Variants in SORCS3 observed in about 807,000 individuals in gnomAD.
SORCS3 encodes sortilin related VPS10 domain containing receptor 3, also known as VPS10 domain-containing receptor SorCS3.
In SORCS3, 57 loss-of-function variants were observed where a neutral mutation model predicts 146.3. That is an observed-to-expected ratio of 0.39 (90% CI 0.31 to 0.49). SORCS3 has a LOEUF of 0.49. Ranked by LOEUF, SORCS3 falls within the 20% of genes least tolerant of loss-of-function variation. The pLI, the probability that SORCS3 is intolerant of heterozygous loss-of-function variation, is 0.92. For synonymous variants in SORCS3, 653 were observed against 618.5 expected (o/e 1.06, Z -0.83); for missense variants, 1,341 against 1,575.5 (o/e 0.85, Z 2.52).
At chr10:105,200,927 A>G (rs1186035462) in intron 15 of SORCS3, among the ~76,000 whole-genome samples, 193 bp from the exon 16 acceptor site, 2 of 152,156 alleles carry the variant, frequency 1.3e-5, no homozygotes, top group African/African-American at 4.8e-5. Flanking sequence ...CCCACCTTCC[A>G]TAATGTTCCT....
At chr10:104,903,020 T>C (rs922852628) in intron 2 of SORCS3, among the ~76,000 whole-genome samples, 1 of 152,248 alleles carries the variant, frequency 6.6e-6, no homozygotes, top group Non-Finnish European at 1.5e-5. Flanking sequence ...GTGAAGCAGA[T>C]GCTCAATTAC....
intron 2 of SORCS3, among the ~76,000 whole-genome samples, chr10:104,876,038 T>C (rs1961640): frequency 0.35 from 53,847 of 151,974 alleles, 11,434 homozygotes; most frequent in East Asian, 0.72. Context: ...TATTACTCCA[T>C]ACTTCAAGGT....
At chr10:104,888,005 A>G (rs535938085) in intron 2 of SORCS3, among the ~76,000 whole-genome samples, 3 of 147,142 alleles carry the variant, frequency 2.0e-5, no homozygotes, top group South Asian at 2.1e-4. Flanking sequence ...CATGAGACCA[A>G]TGAGAGTGCT....
chr10:105,214,496 C>A lies in SORCS3; in HGVS notation c.2430C>A (p.Thr810=), dbSNP rs752984608. 3 of 1,614,172 alleles carry A rather than the reference C, an allele frequency of 1.9e-6. No homozygotes were observed. In the East Asian group the frequency reaches 6.7e-5, roughly 36 times the overall value. Residue 810 remains threonine (T), a synonymous_variant, in exon 18 of 27, where the codon ACC becomes ACA. Transcript: ENST00000369701. ...NCTDGLREKY[T]AKAQMCPGKA... Reference sequence around the variant, plus strand: ...CAGATGGGCTAAGGGAGAAGTACACCGCCAAGGCCCAGATGTGCCCTGGAA... The same window carrying A: ...CAGATGGGCTAAGGGAGAAGTACACAGCCAAGGCCCAGATGTGCCCTGGAA...
Position 105,177,970 on chromosome 10 carries a change from A to G in SORCS3, c.1902-96A>G, listed in dbSNP as rs1358871493. The G allele has an allele frequency of 3.5e-6, 3 of 849,756 alleles. No individual in the cohort carries two copies. The African/African-American group carries it at 5.1e-5, about 14-fold the overall frequency. The allele number at this position is 849,756 out of a possible 1,614,324, so 52.6% of individuals were successfully genotyped here. ...TTGATAATCCACACTGCCAGAAAGC[A>G]AGATACAGAGGAAAATTTAATAACC... On this transcript the variant is annotated intron_variant, in intron 13 of 26. Transcript: ENST00000369701.
At chr10:104,801,100 G>A (rs2017618826) in intron 1 of SORCS3, among the ~76,000 whole-genome samples, 1 of 152,156 alleles carries the variant, frequency 6.6e-6, no homozygotes. Context: ...TAAATGGTAA[G>A]GGGCACAGTC....
At chr10:105,169,374 A>G (rs995157734) in intron 13 of SORCS3, among the ~76,000 whole-genome samples, 2 of 152,024 alleles carry the variant, frequency 1.3e-5, no homozygotes, top group African/African-American at 4.8e-5. Flanking sequence ...AAAGGATGCC[A>G]GCTGTGTGTA....
chr10:105,017,892 T>G (rs1439700007), intron 4 of SORCS3, among the ~76,000 whole-genome samples: 7 of 152,208 alleles, frequency 4.6e-5, no homozygotes, highest in Non-Finnish European at 8.8e-5. Flanking sequence ...GACCAGCCTC[T>G]AAGACTTGGC....
At chr10:104,829,439 G>A (rs1589515347) in intron 1 of SORCS3, among the ~76,000 whole-genome samples, 1 of 152,164 alleles carries the variant, frequency 6.6e-6, no homozygotes, top group African/African-American at 2.4e-5. Flanking sequence ...GCTTTCAGAG[G>A]AGGGAGAAGA....
At chr10:104,980,461 G>GCTGT (rs2054925726) in intron 4 of SORCS3, among the ~76,000 whole-genome samples, 1 of 152,194 alleles carries the variant, frequency 6.6e-6, no homozygotes, top group Non-Finnish European at 1.5e-5. Context: ...GGAGAGTGAT[G>GCTGT]CTGTGCAGCA....
At chr10:105,053,522 A>C (rs2055426725) in intron 5 of SORCS3, among the ~76,000 whole-genome samples, 1 of 152,012 alleles carries the variant, frequency 6.6e-6, no homozygotes, top group South Asian at 2.1e-4. Flanking sequence ...ATTACCTATA[A>C]TTTTACTGCC....
At chr10:104,850,451 G>A (rs1030307941) in intron 2 of SORCS3, among the ~76,000 whole-genome samples, 5 of 152,316 alleles carry the variant, frequency 3.3e-5, no homozygotes, top group Middle Eastern at 3.4e-3. Flanking sequence ...CAGGCATGGC[G>A]GCATGTGCCT....
At chr10:104,797,640 G>C (rs1238124319) in intron 1 of SORCS3, among the ~76,000 whole-genome samples, 1 of 152,150 alleles carries the variant, frequency 6.6e-6, no homozygotes, top group African/African-American at 2.4e-5. Context: ...CTTTGGAGAA[G>C]TTAAGTAAAC....
chr10:105,152,331 A>G (rs1481283691), intron 9 of SORCS3, among the ~76,000 whole-genome samples: 2 of 152,264 alleles, frequency 1.3e-5, no homozygotes, highest in African/African-American at 4.8e-5. Context: ...AAACAAACAG[A>G]CAAAATTAAT....
intron 1 of SORCS3, among the ~76,000 whole-genome samples, chr10:104,762,240 C>T (rs1275174359): frequency 2.0e-5 from 3 of 152,158 alleles, no homozygotes; most frequent in Admixed American, 6.5e-5. Flanking sequence ...CACATGTTGC[C>T]TGACCATTTG....
At chr10:104,914,065 G>A (rs889221889) in intron 2 of SORCS3, among the ~76,000 whole-genome samples, 8 of 151,996 alleles carry the variant, frequency 5.3e-5, no homozygotes, top group Non-Finnish European at 8.8e-5. Flanking sequence ...CACCACACCC[G>A]GAATCTTCAT....
chr10:104,729,561 T>C (rs2016682876), intron 1 of SORCS3, among the ~76,000 whole-genome samples: 2 of 152,244 alleles, frequency 1.3e-5, no homozygotes, highest in African/African-American at 4.8e-5. Context: ...AGAAATGAAC[T>C]TAATTTATCA....
At chr10:104,733,658 A>G (rs879889437) in intron 1 of SORCS3, among the ~76,000 whole-genome samples, 6 of 151,638 alleles carry the variant, frequency 4.0e-5, no homozygotes, top group Non-Finnish European at 5.9e-5. Flanking sequence ...AGTGATCCCT[A>G]TAGTTTATGT....
At chr10:104,723,834 C>G (rs573830440) in intron 1 of SORCS3, among the ~76,000 whole-genome samples, 1 of 152,094 alleles carries the variant, frequency 6.6e-6, no homozygotes, top group African/African-American at 2.4e-5. Flanking sequence ...CTTGGTAGAT[C>G]TTCCTCCATC....
Sources: gnomAD v4.1 joint callset for allele counts (sites outside exome capture counted in the v4.1 genomes callset) on GRCh38, gnomAD v4.1.1 for gene constraint, MANE v1.5 for transcripts, NCBI Gene and HGNC (gene_info 2026-07-23, HGNC 2026-07-21) for gene names.